LRRIQ1: variants seen among roughly 807,000 people sequenced by gnomAD.
The protein encoded by LRRIQ1 is leucine-rich repeat- and IQ domain-containing protein 1.
LRRIQ1 carries 210 observed loss-of-function variants against 211.9 expected under a neutral mutation model. That is an observed-to-expected ratio of 0.99 (90% CI 0.89 to 1.11). LRRIQ1 has a LOEUF of 1.11. LRRIQ1 is among the 50% of genes most tolerant of loss of function. LRRIQ1 has a pLI of 0.00. For missense variants in LRRIQ1, 2,136 were observed against 1,939.5 expected (o/e 1.10, Z -1.90); for synonymous variants, 699 against 650.1 (o/e 1.08, Z -1.14).
At chr12:85,147,564 C>A (rs1889972056) in intron 19 of LRRIQ1, among the ~76,000 whole-genome samples, 1 of 151,758 alleles carries the variant, frequency 6.6e-6, no homozygotes, top group African/African-American at 2.4e-5. Flanking sequence ...GTCCAAGAAT[C>A]AGCTTGCTTT....
At chr12:85,231,466 G>T (rs1367445347) in intron 25 of LRRIQ1, among the ~76,000 whole-genome samples, 5 of 152,036 alleles carry the variant, frequency 3.3e-5, no homozygotes, top group African/African-American at 1.2e-4. Flanking sequence ...TTAATTAATA[G>T]GGTAGTATTT....
At chr12:85,052,275 A>G (rs765629984) in intron 7 of LRRIQ1, 24 bp downstream of exon 7, 12 of 1,181,710 alleles carry the variant, frequency 1.0e-5, no homozygotes, top group Admixed American at 4.4e-5. Flanking sequence ...GTTTTTATTT[A>G]GCACATTAAG....
At chr12:85,235,113 C>T (rs1026039643) in intron 26 of LRRIQ1, among the ~76,000 whole-genome samples, 6 of 152,056 alleles carry the variant, frequency 3.9e-5, no homozygotes, top group Non-Finnish European at 7.4e-5. Flanking sequence ...ATTGAGGAAA[C>T]TAGTAAATAA....
intron 24 of LRRIQ1, among the ~76,000 whole-genome samples, chr12:85,203,475 A>G (rs561865642): frequency 6.6e-6 from 1 of 152,160 alleles, no homozygotes; most frequent in Non-Finnish European, 1.5e-5. Context: ...GGGGCTCAGA[A>G]TAAGTCAGAA....
At chr12:85,116,176 T>C (rs1273623272) in intron 15 of LRRIQ1, among the ~76,000 whole-genome samples, 3 of 152,234 alleles carry the variant, frequency 2.0e-5, no homozygotes, top group Non-Finnish European at 4.4e-5. Flanking sequence ...GGAGTCTCGC[T>C]CTGTCGCCCA....
chr12:85,130,004 A>G (rs1280052283), intron 18 of LRRIQ1, among the ~76,000 whole-genome samples: 1 of 152,188 alleles, frequency 6.6e-6, no homozygotes, highest in Non-Finnish European at 1.5e-5. Flanking sequence ...TACATGAGAG[A>G]TAGGAATCAG....
At chr12:85,043,857 G>C (rs1268219947) in intron 3 of LRRIQ1, among the ~76,000 whole-genome samples, 1 of 151,948 alleles carries the variant, frequency 6.6e-6, no homozygotes, top group Non-Finnish European at 1.5e-5. Flanking sequence ...CCAACTCCAA[G>C]CTCCTTCTAC....
Position 85,065,341 on chromosome 12 carries a change from C to A in LRRIQ1, c.2471C>A (p.Ser824Tyr). ...LAECTNLQFL[S>Y]LRRCGLTSLH... ...GAGTGTACAAATCTTCAGTTTCTAT[C>A]CCTTCGACGCTGTGGATTAACTTCT... is the stretch of plus-strand genomic sequence containing the variant. The change falls in exon 9 of 27, where the codon TCC (serine) becomes TAC (tyrosine). Residue 824 changes from serine (S) to tyrosine (Y), a missense_variant. Coordinates refer to ENST00000393217, the MANE Select transcript of LRRIQ1 (RefSeq NM_001079910.2). 6.2e-7 allele frequency: 1 copy of A among 1,611,024 alleles called. No individual in the cohort carries two copies. The highest frequency in any genetic ancestry group is 8.5e-7 in the Non-Finnish European group (1 of 1,177,980).
intron 7 of LRRIQ1, among the ~76,000 whole-genome samples, chr12:85,052,994 A>G (rs745540428): frequency 1.3e-5 from 2 of 152,136 alleles, no homozygotes; most frequent in African/African-American, 4.8e-5. Flanking sequence ...AATAGCATCT[A>G]TAATGAAGTA....
chr12:85,216,068 A>G (rs1894063447), intron 24 of LRRIQ1, among the ~76,000 whole-genome samples: 1 of 152,144 alleles, frequency 6.6e-6, no homozygotes, highest in South Asian at 2.1e-4. Flanking sequence ...CATGTGCGGA[A>G]CGTGCAGGTT....
intron 15 of LRRIQ1, among the ~76,000 whole-genome samples, chr12:85,117,106 C>G (rs1887638878): frequency 6.6e-6 from 1 of 152,108 alleles, no homozygotes; most frequent in Admixed American, 6.6e-5. Context: ...AAACACTGCC[C>G]TGCAGTGTTG....
intron 1 of LRRIQ1, among the ~76,000 whole-genome samples, chr12:85,262,011 A>G (rs994769812): frequency 1.3e-5 from 2 of 151,992 alleles, no homozygotes; most frequent in African/African-American, 4.8e-5. Context: ...GCTGGTCTCG[A>G]ACTCCTGACC....
At chr12:85,176,437 T>C (rs576208379) in intron 24 of LRRIQ1, among the ~76,000 whole-genome samples, 3 of 151,606 alleles carry the variant, frequency 2.0e-5, no homozygotes, top group African/African-American at 7.3e-5. Context: ...TTCATGTCCT[T>C]TGTAGGGACA....
chr12:85,258,036 C>T (rs1593033301), intron 1 of LRRIQ1, among the ~76,000 whole-genome samples: 1 of 151,554 alleles, frequency 6.6e-6, no homozygotes, highest in Admixed American at 6.6e-5. Context: ...AATAAACAGG[C>T]AAAATACATG....
At chr12:85,125,931 T>C (rs1202041792) in intron 17 of LRRIQ1, among the ~76,000 whole-genome samples, 2 of 152,186 alleles carry the variant, frequency 1.3e-5, no homozygotes, top group Non-Finnish European at 2.9e-5. Flanking sequence ...AGAAAATGTA[T>C]ACCCGTTGCT....
intron 8 of LRRIQ1, among the ~76,000 whole-genome samples, chr12:85,058,281 A>G (rs979344390): frequency 3.3e-5 from 5 of 152,016 alleles, no homozygotes; most frequent in Admixed American, 2.6e-4. Flanking sequence ...TGTATTTGCC[A>G]CATCTGTCAG....
chr12:85,165,136 T>A (rs954177387), intron 24 of LRRIQ1, among the ~76,000 whole-genome samples: 1 of 152,180 alleles, frequency 6.6e-6, no homozygotes, highest in Admixed American at 6.5e-5. Context: ...TGACCATTTT[T>A]AAAATAATTC....
chr12:85,177,400 T>C (rs980860378), intron 24 of LRRIQ1, among the ~76,000 whole-genome samples: 2 of 151,942 alleles, frequency 1.3e-5, no homozygotes, highest in Admixed American at 1.3e-4. Flanking sequence ...GGAGGGAAGC[T>C]CATTTTGAAT....
At chr12:85,129,557 A>G (rs183409074) in intron 18 of LRRIQ1, among the ~76,000 whole-genome samples, 1 of 152,260 alleles carries the variant, frequency 6.6e-6, no homozygotes, top group Non-Finnish European at 1.5e-5. Context: ...TTTAGATAGG[A>G]TGGATGTGTA....
Sources: gnomAD v4.1 joint callset for allele counts (sites outside exome capture counted in the v4.1 genomes callset) on GRCh38, gnomAD v4.1.1 for gene constraint, MANE v1.5 for transcripts, NCBI Gene and HGNC (gene_info 2026-07-23, HGNC 2026-07-21) for gene names.